The following SEC63 variants were observed in gnomAD, a reference collection of about 807,000 sequenced individuals.
SEC63 encodes translocation protein SEC63 homolog.
In SEC63, 56 loss-of-function variants were observed where a neutral mutation model predicts 116.2. The ratio of observed to expected loss-of-function variants is 0.48; its 90% confidence interval spans 0.39 to 0.60. The LOEUF is 0.60. Ranked by LOEUF, SEC63 falls within the 20% of genes least tolerant of loss-of-function variation. The probability of loss-of-function intolerance (pLI) is 0.00; values close to 1 mark genes in which losing one functional copy is unlikely to be tolerated. For missense variants in SEC63, 668 were observed against 900.0 expected, an observed-to-expected ratio of 0.74 and a Z score of 3.30; for synonymous variants, 273 against 294.6, an observed-to-expected ratio of 0.93 and a Z score of 0.75.
intron 4 of SEC63, among the ~76,000 whole-genome samples, chr6:107,914,580 G>T (rs575576942): frequency 6.6e-6 from 1 of 152,098 alleles, no homozygotes; most frequent in Non-Finnish European, 1.5e-5. Context: ...ACTATTTGAT[G>T]AAAGGCCACA....
At chr6:107,879,239 C>T (rs1278661894) in intron 18 of SEC63, among the ~76,000 whole-genome samples, 3 of 152,224 alleles carry the variant, frequency 2.0e-5, no homozygotes, top group Non-Finnish European at 2.9e-5. Flanking sequence ...TCTTGGCTCA[C>T]TGCAACCTCC....
intron 4 of SEC63, among the ~76,000 whole-genome samples, chr6:107,913,981 A>G (rs921277981): frequency 6.6e-6 from 1 of 152,206 alleles, no homozygotes; most frequent in African/African-American, 2.4e-5. Flanking sequence ...CACTGTGCTA[A>G]GATCACAATT....
chr6:107,874,288 T>C (rs1786200000), intron 19 of SEC63, among the ~76,000 whole-genome samples: 3 of 151,850 alleles, frequency 2.0e-5, no homozygotes, highest in Admixed American at 2.0e-4. Flanking sequence ...GTCAGCGGCA[T>C]GCAAAGATTA....
At chr6:107,876,780 G>A in intron 18 of SEC63, 118 bp from the exon 19 acceptor site, 2 of 681,698 alleles carry the variant, frequency 2.9e-6, no homozygotes, top group Non-Finnish European at 5.2e-6. Flanking sequence ...CAAACTGCTT[G>A]GTACAAAATA....
chr6:107,912,299 G>A (rs752781584), intron 6 of SEC63, among the ~76,000 whole-genome samples: 1 of 152,180 alleles, frequency 6.6e-6, no homozygotes, highest in African/African-American at 2.4e-5. Flanking sequence ...ATTAAAATTA[G>A]GCATAGTGCT....
intron 14 of SEC63, among the ~76,000 whole-genome samples, chr6:107,894,296 CA>C (rs1562319212): frequency 6.6e-6 from 1 of 151,984 alleles, no homozygotes; most frequent in Non-Finnish European, 1.5e-5. Context: ...ATAACAACAA[CA>C]AAAAAACCCT....
intron 4 of SEC63, among the ~76,000 whole-genome samples, chr6:107,917,344 C>T (rs939509116): frequency 6.6e-6 from 1 of 152,028 alleles, no homozygotes; most frequent in Non-Finnish European, 1.5e-5. Context: ...TGTGAGACCC[C>T]TAATTTCCCA....
chr6:107,870,177 C>T lies in SEC63; in HGVS notation c.*1527G>A, dbSNP rs573660152. 2.0e-5 allele frequency: 3 copies of T among 152,798 alleles called. No homozygotes were observed. The highest frequency in any genetic ancestry group is 6.5e-5 in the Admixed American group (1 of 15,284). 9.5% of individuals were successfully genotyped at this position (152,798 alleles called of 1,614,324 possible). A position where few individuals can be genotyped will look rare whatever the true frequency, so the allele number is the denominator to read the frequency against. On this transcript the variant is annotated 3_prime_UTR_variant, in exon 21 of 21. Coordinates refer to ENST00000369002, the MANE Select transcript of SEC63 (RefSeq NM_007214.5). ...CAATGAAGTAAATGAAAAAAATCCTCAGTGACACTGCCTCCTGCCTGCCAA... is the reference window on the plus strand; with the variant it reads ...CAATGAAGTAAATGAAAAAAATCCTTAGTGACACTGCCTCCTGCCTGCCAA...
intron 2 of SEC63, among the ~76,000 whole-genome samples, chr6:107,927,423 T>C (rs539360278): frequency 1.3e-5 from 2 of 152,284 alleles, no homozygotes; most frequent in South Asian, 2.1e-4. Context: ...TTCGCACATG[T>C]GTCAGAAAAG....
In SEC63 at chr6:107,899,366, T is replaced by C. The variant is rs931437255; in HGVS notation, c.1358-1635A>G. 3.9e-5 allele frequency among the ~76,000 whole-genome samples: 6 copies of C among 152,214 alleles called. 1 individual carries two copies. The highest frequency in any genetic ancestry group is 1.4e-4 in the African/African-American group (6 of 41,458). On this transcript the variant is annotated intron_variant, in intron 13 of 20. Coordinates refer to ENST00000369002, the MANE Select transcript of SEC63 (RefSeq NM_007214.5). ...AATATTTGTCAGTGAGGCCGAACAC[T>C]CTTAAATTTCTACTTTCTATAAGAA...
At chr6:107,902,793 A>C in intron 12 of SEC63, 51 bp downstream of exon 12, 2 of 1,552,752 alleles carry the variant, frequency 1.3e-6, no homozygotes, top group Non-Finnish European at 1.8e-6. Flanking sequence ...TGTTACCTTT[A>C]AGTGACAGGA....
intron 4 of SEC63, 44 bp from the exon 5 acceptor site, chr6:107,913,471 T>G (rs769051841): frequency 1.4e-6 from 2 of 1,420,426 alleles, no homozygotes; most frequent in East Asian, 2.3e-5. Flanking sequence ...AAGCCACATC[T>G]GAAAAACAAG....
chr6:107,946,156 C>T (rs1401366319), intron 1 of SEC63, among the ~76,000 whole-genome samples: 1 of 151,900 alleles, frequency 6.6e-6, no homozygotes, highest in Non-Finnish European at 1.5e-5. Flanking sequence ...AGGCTGGTCT[C>T]GAACTCCCGA....
At chr6:107,932,300 A>C (rs1007640643) in intron 1 of SEC63, 7 of 152,248 alleles carry the variant, frequency 4.6e-5, no homozygotes, top group African/African-American at 1.4e-4. Context: ...CCATATTAAA[A>C]AAAAATCTAC....
At chr6:107,903,920 C>T (rs847116) in intron 11 of SEC63, among the ~76,000 whole-genome samples, 130,730 of 150,794 alleles carry the variant, frequency 0.87, 56,800 homozygotes, top group Middle Eastern at 0.91. Context: ...GAGTTTGAGA[C>T]CAGCCTGACC....
chr6:107,883,132 C>T lies in SEC63; in HGVS notation c.1689G>A (p.Lys563=). Residue 563 remains lysine (K), a synonymous_variant, in exon 17 of 21, where the codon AAG becomes AAA. Coordinates refer to ENST00000369002, the MANE Select transcript of SEC63 (RefSeq NM_007214.5). ...NGVVGNEAAV[K]EDEEEVSDKG... ...TATCTGAAACTTCTTCTTCATCTTC[C>T]TTTACTGCAGCTTCCTAAAAGGGAA... 6.2e-7 allele frequency: 1 copy of T among 1,612,320 alleles called. No homozygotes were observed.
At chr6:107,933,719 C>G (rs532244382) in intron 1 of SEC63, among the ~76,000 whole-genome samples, 1 of 148,636 alleles carries the variant, frequency 6.7e-6, no homozygotes, top group Non-Finnish European at 1.5e-5. Flanking sequence ...CCTCTCCCCA[C>G]GGCCCACGGT....
chr6:107,881,301 CT>C (rs1231702574), intron 17 of SEC63, 51 bp from the exon 18 acceptor site: 1 of 1,252,508 alleles, frequency 8.0e-7, no homozygotes, highest in East Asian at 2.4e-5. Flanking sequence ...TGTTTTATCA[CT>C]TTAAGGATTT....
rs1786413590 is a variant in SEC63, at chr6:107,881,470, C to T, written c.1834-220G>A. Among the ~76,000 whole-genome samples the T allele has an allele frequency of 1.3e-5, 2 of 152,010 alleles. 1 individual carries two copies. Among genetic ancestry groups the T allele is most frequent in the African/African-American group, 4.8e-5 (2 of 41,378 alleles). ...AACTACATAGCCGTTCATTATCTGACCCTAGCCTGCCTCTCTTTGGTCTCC... is the reference window on the plus strand; with the variant it reads ...AACTACATAGCCGTTCATTATCTGATCCTAGCCTGCCTCTCTTTGGTCTCC... On this transcript the variant is annotated intron_variant, in intron 17 of 20. Coordinates refer to ENST00000369002, the MANE Select transcript of SEC63 (RefSeq NM_007214.5).
Sources: gnomAD v4.1 joint callset for allele counts (sites outside exome capture counted in the v4.1 genomes callset) on GRCh38, gnomAD v4.1.1 for gene constraint, MANE v1.5 for transcripts, NCBI Gene and HGNC (gene_info 2026-07-23, HGNC 2026-07-21) for gene names.